AFF4: variants seen among roughly 807,000 people sequenced by gnomAD.
AFF4 encodes AF4/FMR2 family member 4.
Under a neutral mutation model 124.8 loss-of-function variants are expected in AFF4, and 13 were observed. The observed-to-expected ratio is 0.10, with a 90% CI of 0.07 to 0.17. The LOEUF is 0.17. Ranked by LOEUF, AFF4 falls within the 10% of genes least tolerant of loss-of-function variation. AFF4 has a pLI of 1.00. For missense variants in AFF4, 1,092 were observed against 1,403.8 expected, an observed-to-expected ratio of 0.78 and a Z score of 3.55; for synonymous variants, 477 against 496.1, an observed-to-expected ratio of 0.96 and a Z score of 0.51.
At chr5:132,926,864 T>C (rs1761184768) in intron 5 of AFF4, 2 of 349,262 alleles carry the variant, frequency 5.7e-6, no homozygotes, top group Non-Finnish European at 1.1e-5. Context: ...CCGGCTGTAT[T>C]AATGTCTTTT....
chr5:132,880,601 C>T lies in AFF4; in HGVS notation c.*458G>A. 2.7e-6 allele frequency: 1 copy of T among 363,728 alleles called. No individual in the cohort carries two copies. The highest frequency in any genetic ancestry group is 1.5e-4 in the South Asian group (1 of 6,714). The allele number at this position is 363,728 out of a possible 1,614,324, so 22.5% of individuals were successfully genotyped here. ...CCAATTCTTACTCTTAGAACAGCTA[C>T]CACAAAAAGATATTAGGTAATAAAG... On this transcript the variant is annotated 3_prime_UTR_variant, in exon 21 of 21. Coordinates refer to ENST00000265343, the MANE Select transcript of AFF4 (RefSeq NM_014423.4).
chr5:132,946,614 G>A (rs573785072), intron 1 of AFF4, among the ~76,000 whole-genome samples: 12 of 152,216 alleles, frequency 7.9e-5, no homozygotes, highest in East Asian at 3.9e-4. Context: ...CTTAATATGA[G>A]GCACCTAGAA....
At chr5:132,923,458 T>C (rs1761101165) in intron 5 of AFF4, among the ~76,000 whole-genome samples, 2 of 152,164 alleles carry the variant, frequency 1.3e-5, no homozygotes, top group Admixed American at 6.5e-5. Flanking sequence ...TTCAGTTTAC[T>C]ATAAATTTAG....
chr5:132,882,939 T>C (rs1193458897), intron 20 of AFF4, among the ~76,000 whole-genome samples: 1 of 151,962 alleles, frequency 6.6e-6, no homozygotes, highest in Non-Finnish European at 1.5e-5. Context: ...AAATCCAGTA[T>C]GAGCATGCTT....
At chr5:132,897,305 T>C (rs1760432501) in intron 10 of AFF4, 65 bp from the exon 11 acceptor site, 1 of 1,527,646 alleles carries the variant, frequency 6.5e-7, no homozygotes, top group Non-Finnish European at 8.9e-7. Context: ...CTCCCTCCTT[T>C]ACAACCTCAA....
intron 5 of AFF4, chr5:132,926,241 G>T (rs755066731): frequency 2.1e-6 from 1 of 483,230 alleles, no homozygotes. Flanking sequence ...CTGTTGGGAT[G>T]AAGGGGACGG....
chr5:132,889,738 G>A (rs970652475), intron 13 of AFF4, among the ~76,000 whole-genome samples: 3 of 152,154 alleles, frequency 2.0e-5, no homozygotes, highest in Non-Finnish European at 2.9e-5. Context: ...TTCAAATTCA[G>A]AATTGCCAGA....
At chr5:132,917,595 T>C (rs1356580448) in intron 5 of AFF4, among the ~76,000 whole-genome samples, 4 of 152,120 alleles carry the variant, frequency 2.6e-5, no homozygotes, top group Admixed American at 6.6e-5. Context: ...GGTGAAATGA[T>C]TGTCTAGGAA....
chr5:132,932,226 G>T lies in AFF4; in HGVS notation c.919-4C>A, dbSNP rs750031934. On this transcript the variant is annotated splice_polypyrimidine_tract_variant and splice_region_variant and intron_variant, in intron 3 of 20. Transcript: ENST00000265343. ...TCACATCACCAGAAGCTGATGCCTT[G>T]AAAGAAAAAGCAGCACACATTAGAT... 4 of 1,604,808 alleles carry T rather than the reference G, an allele frequency of 2.5e-6. No individual in the cohort carries two copies. Among genetic ancestry groups the T allele is most frequent in the East Asian group, 4.5e-5 (2 of 44,652 alleles).
At chr5:132,960,370 G>C (rs866451524) in intron 1 of AFF4, among the ~76,000 whole-genome samples, 1 of 152,086 alleles carries the variant, frequency 6.6e-6, no homozygotes. Flanking sequence ...CTGTACTTCT[G>C]GGTCATTGTC....
chr5:132,937,215 T>C (rs1267448912), intron 1 of AFF4, 22 bp from the exon 2 acceptor site: 2 of 1,585,834 alleles, frequency 1.3e-6, no homozygotes, highest in South Asian at 2.3e-5. Flanking sequence ...AACACAATCT[T>C]TGTATCACAG....
chr5:132,947,532 C>T (rs1225986811), intron 1 of AFF4, among the ~76,000 whole-genome samples: 3 of 151,924 alleles, frequency 2.0e-5, no homozygotes, highest in Non-Finnish European at 2.9e-5. Context: ...AAATAACTAT[C>T]CTACTGAAAA....
chr5:132,939,509 G>T (rs1761516010), intron 1 of AFF4, among the ~76,000 whole-genome samples: 1 of 152,168 alleles, frequency 6.6e-6, no homozygotes, highest in African/African-American at 2.4e-5. Context: ...AGGCCTCTTG[G>T]GCTATGGTTC....
chr5:132,932,317 C>G, intron 3 of AFF4, 95 bp from the exon 4 acceptor site: 1 of 977,336 alleles, frequency 1.0e-6, no homozygotes, highest in Non-Finnish European at 1.5e-6. Context: ...TATTTATGAC[C>G]CCACTACTCT....
intron 1 of AFF4, among the ~76,000 whole-genome samples, chr5:132,960,314 G>A (rs1390616674): frequency 6.6e-6 from 1 of 152,214 alleles, no homozygotes. Flanking sequence ...GTAGAATAAA[G>A]CTAAAGTAAA....
rs889332394 is a variant in AFF4, at chr5:132,963,352, G to A, written c.-98C>T. ...CTTCACCGGACGCGCATTCGAGCCC[G>A]CCCAGGGGGCGGTGACAGGCTGCCA... is the stretch of plus-strand genomic sequence containing the variant. On this transcript the variant is annotated 5_prime_UTR_variant, in exon 1 of 21. Transcript: ENST00000265343. 1.3e-4 allele frequency: 50 copies of A among 397,176 alleles called. No individual in the cohort carries two copies. The highest frequency in any genetic ancestry group is 2.0e-4 in the Non-Finnish European group (44 of 225,128). The allele number at this position is 397,176 out of a possible 1,614,324, so 24.6% of individuals were successfully genotyped here.
rs1486376910 is a variant in AFF4 at position 132,963,444 on chromosome 5, G to T, written c.-190C>A. ...TCGACAAACGAAGGCGGCGTCGGCG[G>T]CGGCGGCAGCGATGCGCCTCACACG... On this transcript the variant is annotated 5_prime_UTR_variant, in exon 1 of 21. Coordinates refer to ENST00000265343, the MANE Select transcript of AFF4 (RefSeq NM_014423.4). 3.0e-5 allele frequency: 12 copies of T among 398,308 alleles called. No homozygotes were observed. Among genetic ancestry groups the T allele is most frequent in the Non-Finnish European group, 5.3e-5 (12 of 225,880 alleles). The allele number at this position is 398,308 out of a possible 1,614,324, so 24.7% of individuals were successfully genotyped here.
intron 7 of AFF4, 93 bp from the exon 8 acceptor site, chr5:132,899,734 A>T (rs1760502213): frequency 1.7e-6 from 2 of 1,147,566 alleles, no homozygotes; most frequent in African/African-American, 1.5e-5. Flanking sequence ...AGAAATAATC[A>T]CTGTGGTAGC....
intron 4 of AFF4, among the ~76,000 whole-genome samples, chr5:132,928,543 C>A (rs939662372): frequency 6.6e-6 from 1 of 152,152 alleles, no homozygotes; most frequent in Non-Finnish European, 1.5e-5. Context: ...TGACCATAGA[C>A]TACTATGGCA....
Sources: allele counts gnomAD v4.1 joint callset (sites outside exome capture counted in the v4.1 genomes callset), GRCh38; gene constraint gnomAD v4.1.1; transcripts MANE v1.5; gene names NCBI Gene and HGNC (gene_info 2026-07-23, HGNC 2026-07-21).